DLGAP1: variants seen among roughly 807,000 people sequenced by gnomAD.
DLGAP1 encodes the protein DLG associated protein 1, also known as disks large-associated protein 1.
DLGAP1 carries 11 observed loss-of-function variants against 90.8 expected under a neutral mutation model. That is an observed-to-expected ratio of 0.12 (90% CI 0.08 to 0.20). The LOEUF is 0.20. Among genes scored for constraint, DLGAP1 ranks in the 10% least tolerant of loss-of-function variants. DLGAP1 has a pLI of 1.00. For missense variants in DLGAP1, 1,050 were observed against 1,333.8 expected (o/e 0.79, Z 3.31); for synonymous variants, 558 against 540.7 (o/e 1.03, Z -0.44).
At chr18:4,085,502 A>G (rs534965849) in intron 2 of DLGAP1, among the ~76,000 whole-genome samples, 66 of 152,340 alleles carry the variant, frequency 4.3e-4, no homozygotes, top group South Asian at 1.2e-3. Context: ...CTAAGTTTAG[A>G]TCTAGTCTAC....
At chr18:3,824,894 A>C (rs2067625692) in intron 4 of DLGAP1, among the ~76,000 whole-genome samples, 1 of 152,250 alleles carries the variant, frequency 6.6e-6, no homozygotes, top group Non-Finnish European at 1.5e-5. Flanking sequence ...AACCACATGC[A>C]TCTAGTTCTT....
intron 2 of DLGAP1, among the ~76,000 whole-genome samples, chr18:4,087,457 A>G (rs1244570735): frequency 6.6e-6 from 1 of 152,212 alleles, no homozygotes. Flanking sequence ...TACTGCAGAT[A>G]ACTAGCCAGA....
intron 4 of DLGAP1, 93 bp from the exon 5 acceptor site, chr18:3,814,366 T>C: frequency 1.7e-6 from 2 of 1,210,138 alleles, no homozygotes; most frequent in East Asian, 5.2e-5. Flanking sequence ...TTTCTATTTT[T>C]TTTTTTTTTT....
At chr18:3,888,022 G>A (rs1464186650) in intron 3 of DLGAP1, among the ~76,000 whole-genome samples, 2 of 147,244 alleles carry the variant, frequency 1.4e-5, no homozygotes, top group Non-Finnish European at 3.0e-5. Flanking sequence ...GCAGGAGAAT[G>A]GCGTGAACCC....
At chr18:4,305,573 A>G (rs1210659479) in intron 1 of DLGAP1, among the ~76,000 whole-genome samples, 1 of 151,462 alleles carries the variant, frequency 6.6e-6, no homozygotes, top group African/African-American at 2.4e-5. Flanking sequence ...AAGAAAAACC[A>G]CAGGTCATTT....
intron 2 of DLGAP1, among the ~76,000 whole-genome samples, chr18:4,058,991 C>A (rs2075262585): frequency 6.6e-6 from 1 of 152,240 alleles, no homozygotes; most frequent in African/African-American, 2.4e-5. Flanking sequence ...ACCCACAGGA[C>A]AGAGATGAAG....
chr18:3,592,843 CAAAAAAAAAAAAAAA>C (rs56871583), intron 7 of DLGAP1, among the ~76,000 whole-genome samples: 1 of 42,582 alleles, frequency 2.3e-5, no homozygotes, highest in Non-Finnish European at 4.9e-5. Context: ...GACCCTGCCT[CAAAAAAAAAAAAAAA>C]AAAAAAAAAG....
intron 2 of DLGAP1, among the ~76,000 whole-genome samples, chr18:4,125,402 C>G (rs2076217550): frequency 6.6e-6 from 1 of 152,154 alleles, no homozygotes; most frequent in African/African-American, 2.4e-5. Context: ...GAGCAATTCA[C>G]CAGACAAAGG....
intron 3 of DLGAP1, among the ~76,000 whole-genome samples, chr18:3,961,401 C>T (rs535030836): frequency 1.3e-5 from 2 of 152,312 alleles, no homozygotes; most frequent in Admixed American, 1.3e-4. Context: ...ACTGAATTCT[C>T]TCCCTCCTCC....
In DLGAP1 at chr18:3,923,133, C is replaced by CAAAAAAA. The variant is rs34107115; in HGVS notation, c.-72-43000_-72-42994dup. ...TGGGCGACAGAGAGAGAACCTGTCT[C>CAAAAAAA]AAAAAAAAAAAAAAAAAAAAAAGCA... On this transcript the variant is annotated intron_variant, in intron 3 of 12. Transcript: ENST00000315677. Among the ~76,000 whole-genome samples, 6 of 71,172 alleles carry CAAAAAAA rather than the reference C, an allele frequency of 8.4e-5. 1 individual carries two copies. Among genetic ancestry groups the CAAAAAAA allele is most frequent in the Non-Finnish European group, 9.6e-5 (4 of 41,796 alleles). The allele number at this position is 71,172 out of a possible 152,430, so 46.7% of individuals were successfully genotyped here.
chr18:4,290,888 A>T (rs1160561787), intron 1 of DLGAP1, among the ~76,000 whole-genome samples: 2 of 152,174 alleles, frequency 1.3e-5, no homozygotes, highest in African/African-American at 4.8e-5. Context: ...CCTTGATGTG[A>T]AGTGCCCTGT....
intron 3 of DLGAP1, among the ~76,000 whole-genome samples, chr18:3,950,519 C>G (rs1455396737): frequency 6.6e-6 from 1 of 152,220 alleles, no homozygotes; most frequent in South Asian, 2.1e-4. Context: ...AGGGCAAGGA[C>G]TGTTTCCAAT....
At chr18:3,668,583 A>G (rs901746288) in intron 7 of DLGAP1, among the ~76,000 whole-genome samples, 2 of 152,120 alleles carry the variant, frequency 1.3e-5, no homozygotes, top group Non-Finnish European at 2.9e-5. Flanking sequence ...CTTTGGCAAA[A>G]TACTGGACTC....
intron 7 of DLGAP1, among the ~76,000 whole-genome samples, chr18:3,642,222 T>TG (rs1423471465): frequency 6.6e-6 from 1 of 152,218 alleles, no homozygotes; most frequent in Non-Finnish European, 1.5e-5. Context: ...CAGACTGTTT[T>TG]GGATTTCAGA....
chr18:3,643,124 G>A (rs929637637), intron 7 of DLGAP1, among the ~76,000 whole-genome samples: 3 of 152,144 alleles, frequency 2.0e-5, no homozygotes, highest in Non-Finnish European at 4.4e-5. Context: ...GAAGGAAGAA[G>A]ATTTTAATAA....
chr18:3,559,558 CCT>C lies in DLGAP1; in HGVS notation c.2057+7930_2057+7931del, dbSNP rs373400827. Among the ~76,000 whole-genome samples the C allele has an allele frequency of 7.1e-3, 1,075 of 150,616 alleles. 15 individuals carry two copies. Among genetic ancestry groups the C allele is most frequent in the African/African-American group, 0.024 (983 of 41,120 alleles). On this transcript the variant is annotated intron_variant, in intron 9 of 12. Coordinates refer to ENST00000315677, the MANE Select transcript of DLGAP1 (RefSeq NM_004746.4). ...GCATACTAATTTTATTTTTCTTTTA[CCT>C]CTTTTTAGTGGTTACCCTAGAGCCC... is the stretch of plus-strand genomic sequence containing the variant.
chr18:4,113,348 C>A (rs930172413), intron 2 of DLGAP1, among the ~76,000 whole-genome samples: 1 of 151,910 alleles, frequency 6.6e-6, no homozygotes, highest in South Asian at 2.1e-4. Context: ...ATTTTCATTC[C>A]CTGATGATTA....
At chr18:3,791,211 T>A (rs577150800) in intron 5 of DLGAP1, among the ~76,000 whole-genome samples, 1 of 152,308 alleles carries the variant, frequency 6.6e-6, no homozygotes, top group African/African-American at 2.4e-5. Context: ...GGCATTGTAA[T>A]AATACACTTG....
At chr18:4,371,328 G>A (rs978678846) in intron 1 of DLGAP1, among the ~76,000 whole-genome samples, 1 of 152,226 alleles carries the variant, frequency 6.6e-6, no homozygotes, top group Non-Finnish European at 1.5e-5. Flanking sequence ...GGAAGAGAAA[G>A]AAGTACATTC....
Sources: allele counts gnomAD v4.1 joint callset (sites outside exome capture counted in the v4.1 genomes callset), GRCh38; gene constraint gnomAD v4.1.1; transcripts MANE v1.5; gene names NCBI Gene and HGNC (gene_info 2026-07-23, HGNC 2026-07-21).